Variants in SLCO2A1 observed in about 807,000 individuals in gnomAD.
SLCO2A1 encodes the protein solute carrier organic anion transporter family member 2A1.
Under a neutral mutation model 71.7 loss-of-function variants are expected in SLCO2A1, and 60 were observed. That is an observed-to-expected ratio of 0.84 (90% CI 0.68 to 1.04). The LOEUF (loss-of-function observed/expected upper bound fraction) is 1.04, where lower values mean the gene tolerates loss of function less well. SLCO2A1 is among the 50% of genes least tolerant of loss of function. The pLI, the probability that SLCO2A1 is intolerant of heterozygous loss-of-function variation, is 0.00. For synonymous variants in SLCO2A1, 308 were observed against 326.7 expected (o/e 0.94, Z 0.62); for missense variants, 745 against 813.4 (o/e 0.92, Z 1.02).
intron 1 of SLCO2A1, among the ~76,000 whole-genome samples, chr3:133,988,435 T>C (rs1232051264): frequency 1.3e-5 from 2 of 152,198 alleles, no homozygotes; most frequent in Non-Finnish European, 2.9e-5. Flanking sequence ...GTGCCGCCTT[T>C]CTGGACCAAA....
intron 5 of SLCO2A1, among the ~76,000 whole-genome samples, chr3:133,952,770 T>A (rs919264275): frequency 9.2e-5 from 14 of 152,198 alleles, no homozygotes; most frequent in African/African-American, 3.4e-4. Context: ...TATTTTACTA[T>A]CATTAGCTCC....
intron 1 of SLCO2A1, among the ~76,000 whole-genome samples, chr3:134,014,249 G>A (rs551049811): frequency 7.9e-5 from 12 of 152,238 alleles, no homozygotes; most frequent in African/African-American, 2.2e-4. Context: ...TGAGTGTTCC[G>A]AAGGTCACAA....
At chr3:134,004,125 T>C (rs1040852275) in intron 1 of SLCO2A1, among the ~76,000 whole-genome samples, 4 of 86,772 alleles carry the variant, frequency 4.6e-5, no homozygotes, top group Admixed American at 3.8e-4. Context: ...TGTGTGTGTG[T>C]GTGTGTGTGT....
intron 2 of SLCO2A1, among the ~76,000 whole-genome samples, chr3:133,975,903 C>T (rs1246597976): frequency 6.6e-6 from 1 of 152,216 alleles, no homozygotes; most frequent in Non-Finnish European, 1.5e-5. Context: ...CCATGACTCT[C>T]TCTCTTCATT....
chr3:134,017,296 A>T (rs1259899128), intron 1 of SLCO2A1, among the ~76,000 whole-genome samples: 1 of 152,234 alleles, frequency 6.6e-6, no homozygotes, highest in Non-Finnish European at 1.5e-5. Flanking sequence ...TATTTTTCCT[A>T]TGAATCTGTA....
Position 134,027,055 on chromosome 3 carries a change from T to A in SLCO2A1, c.96+2652A>T, listed in dbSNP as rs994561659. ...ATAAAAAGCTTCATCGCTACCTTAG[T>A]TCACCAAAAAGGTTCAGCACAAGTG... is the stretch of plus-strand genomic sequence containing the variant. On this transcript the variant is annotated intron_variant, in intron 1 of 13. Transcript: ENST00000310926. Among the ~76,000 whole-genome samples, 3 of 152,290 alleles carry A rather than the reference T, an allele frequency of 2.0e-5. No homozygotes were observed. The East Asian group carries it at 5.8e-4, about 29-fold the overall frequency.
intron 9 of SLCO2A1, 65 bp downstream of exon 9, chr3:133,947,191 T>C (rs1362187146): frequency 7.3e-7 from 1 of 1,372,854 alleles, no homozygotes; most frequent in East Asian, 2.3e-5. Context: ...AAGGAAGATG[T>C]ATAACAGCCA....
At chr3:133,943,181 G>T (rs1465646997) in intron 10 of SLCO2A1, among the ~76,000 whole-genome samples, 1 of 152,210 alleles carries the variant, frequency 6.6e-6, no homozygotes, top group Non-Finnish European at 1.5e-5. Flanking sequence ...ACAGTAGGAG[G>T]GCAGTGGGAA....
At chr3:134,027,080 G>A (rs1935713081) in intron 1 of SLCO2A1, among the ~76,000 whole-genome samples, 1 of 152,166 alleles carries the variant, frequency 6.6e-6, no homozygotes, top group East Asian at 1.9e-4. Flanking sequence ...CAGCACAAGT[G>A]TACTATATGA....
At chr3:134,027,520 G>A (rs901016926) in intron 1 of SLCO2A1, among the ~76,000 whole-genome samples, 2 of 152,184 alleles carry the variant, frequency 1.3e-5, no homozygotes, top group Non-Finnish European at 2.9e-5. Context: ...AAAAGGACAG[G>A]AATTGCTCAC....
At chr3:133,954,897 C>T in intron 4 of SLCO2A1, 69 bp downstream of exon 4, 1 of 1,296,586 alleles carries the variant, frequency 7.7e-7, no homozygotes. Flanking sequence ...TTTAGTGCCC[C>T]AGGGCCTCAT....
At chr3:133,967,375 A>G (rs1488548632) in intron 3 of SLCO2A1, among the ~76,000 whole-genome samples, 1 of 152,212 alleles carries the variant, frequency 6.6e-6, no homozygotes, top group African/African-American at 2.4e-5. Flanking sequence ...TCAGGCCCTC[A>G]GAGAGGCTGT....
chr3:133,942,835 G>T, intron 10 of SLCO2A1, 67 bp from the exon 11 acceptor site: 1 of 1,471,538 alleles, frequency 6.8e-7, no homozygotes, highest in Non-Finnish European at 9.2e-7. Flanking sequence ...CACTTCAGAC[G>T]TCTGCACCAG....
chr3:133,948,510 G>A, intron 8 of SLCO2A1, 26 bp downstream of exon 8: 1 of 1,601,548 alleles, frequency 6.2e-7, no homozygotes, highest in South Asian at 1.1e-5. Flanking sequence ...AAGCCCTGCG[G>A]ATCCTGCAGC....
intron 1 of SLCO2A1, among the ~76,000 whole-genome samples, chr3:134,024,997 T>C (rs537757086): frequency 3.3e-5 from 5 of 151,746 alleles, no homozygotes; most frequent in Non-Finnish European, 2.9e-5. Flanking sequence ...GTGAGCAGTA[T>C]GTGGACGGGA....
chr3:133,968,282 C>T (rs1401309352), intron 3 of SLCO2A1, among the ~76,000 whole-genome samples: 1 of 151,754 alleles, frequency 6.6e-6, no homozygotes, highest in Admixed American at 6.6e-5. Context: ...CACACCTATA[C>T]ACAATTACCC....
chr3:134,007,070 T>C (rs769777508), intron 1 of SLCO2A1, among the ~76,000 whole-genome samples: 1 of 152,252 alleles, frequency 6.6e-6, no homozygotes, highest in African/African-American at 2.4e-5. Context: ...ATTTCTCTAA[T>C]GATTTGCAAT....
rs1156916598 is a variant in SLCO2A1 at position 133,933,499 on chromosome 3, T to A, written c.*1214A>T. On this transcript the variant is annotated 3_prime_UTR_variant, in exon 14 of 14. Transcript: ENST00000310926. ...TAAATATATTTGTTGATGAATGACC[T>A]CCTTCGTTGGCTTCTGTCTCTCAAC... is the stretch of plus-strand genomic sequence containing the variant. The A allele has an allele frequency of 6.6e-6, 1 of 152,264 alleles. No individual in the cohort carries two copies. Among genetic ancestry groups the A allele is most frequent in the Non-Finnish European group, 1.5e-5 (1 of 68,066 alleles). 9.4% of individuals were successfully genotyped at this position (152,264 alleles called of 1,614,324 possible). A position where few individuals can be genotyped will look rare whatever the true frequency, so the allele number is the denominator to read the frequency against.
rs540448138 is a variant in SLCO2A1 at position 133,961,098 on chromosome 3, G to T, written c.398-5905C>A. Among the ~76,000 whole-genome samples, 10 of 152,168 alleles carry T rather than the reference G, an allele frequency of 6.6e-5. No individual in the cohort carries two copies. The South Asian group carries it at 1.9e-3, about 29-fold the overall frequency. ...GTATCCTAAGGAAAACTCCAGAAGG[G>T]TGAAAATCATGAGGGGTCAGTGCAA... On this transcript the variant is annotated intron_variant, in intron 3 of 13. Coordinates refer to ENST00000310926, the MANE Select transcript of SLCO2A1 (RefSeq NM_005630.3).
Sources: gnomAD v4.1 joint callset for allele counts (sites outside exome capture counted in the v4.1 genomes callset) on GRCh38, gnomAD v4.1.1 for gene constraint, MANE v1.5 for transcripts, NCBI Gene and HGNC (gene_info 2026-07-23, HGNC 2026-07-21) for gene names.